The following CCDC50 variants were observed in gnomAD, a reference collection of about 807,000 sequenced individuals.
The protein encoded by CCDC50 is coiled-coil domain containing 50.
A neutral mutation model predicts 70.2 loss-of-function variants in CCDC50; 54 were observed. The ratio of observed to expected loss-of-function variants is 0.77; its 90% CI spans 0.62 to 0.96. The LOEUF is 0.96. CCDC50 is among the 50% of genes least tolerant of loss of function. The pLI, the probability that CCDC50 is intolerant of heterozygous loss-of-function variation, is 0.00. For synonymous variants in CCDC50, 216 were observed against 198.8 expected (o/e 1.09, Z -0.73); for missense variants, 558 against 578.7 (o/e 0.96, Z 0.37).
At position 191,396,628 on chromosome 3, in the gene CCDC50, A is replaced by G. The variant is rs754552421; in HGVS notation, c.*4868A>G. The G allele has an allele frequency of 5.9e-5, 9 of 152,242 alleles. No individual in the cohort carries two copies. Among genetic ancestry groups the G allele is most frequent in the African/African-American group, 2.2e-4 (9 of 41,468 alleles). 9.4% of individuals were successfully genotyped at this position (152,242 alleles called of 1,614,324 possible). A position where few individuals can be genotyped will look rare whatever the true frequency, so the allele number is the denominator to read the frequency against. On this transcript the variant is annotated 3_prime_UTR_variant, in exon 12 of 12. Transcript: ENST00000392455. ...AAGAATTTCACCAACACCCTTGTGT[A>G]TTGAAATGCTTAACCATTAACAGGG... is the stretch of plus-strand genomic sequence containing the variant.
rs1270291926 is a variant in CCDC50 at position 191,395,108 on chromosome 3, T to A, written c.*3348T>A. ...ATGGCAATGACCACTTGGATCTAGG[T>A]CAACATATTCCAAAATGTGTGACCT... On this transcript the variant is annotated 3_prime_UTR_variant, in exon 12 of 12. Coordinates refer to ENST00000392455, the MANE Select transcript of CCDC50 (RefSeq NM_178335.3). 6.6e-6 allele frequency: 1 copy of A among 151,672 alleles called. No individual in the cohort carries two copies. The highest frequency in any genetic ancestry group is 1.5e-5 in the Non-Finnish European group (1 of 67,920). 9.4% of individuals were successfully genotyped at this position (151,672 alleles called of 1,614,324 possible). A position where few individuals can be genotyped will look rare whatever the true frequency, so the allele number is the denominator to read the frequency against.
intron 4 of CCDC50, among the ~76,000 whole-genome samples, chr3:191,364,421 T>TC (rs1186119448): frequency 6.6e-6 from 1 of 151,060 alleles, no homozygotes; most frequent in Non-Finnish European, 1.5e-5. Flanking sequence ...CCCTGTAGAG[T>TC]CTACTTGGTT....
intron 6 of CCDC50, 54 bp downstream of exon 6, chr3:191,375,643 C>G: frequency 6.4e-7 from 1 of 1,570,222 alleles, no homozygotes; most frequent in East Asian, 2.3e-5. Flanking sequence ...TAACTACAAA[C>G]CAATGAATTT....
chr3:191,376,424 A>G (rs1159678347), intron 6 of CCDC50, among the ~76,000 whole-genome samples: 1 of 152,096 alleles, frequency 6.6e-6, no homozygotes, highest in African/African-American at 2.4e-5. Context: ...GAAGTCCATC[A>G]TTGACGCAGT....
intron 6 of CCDC50, among the ~76,000 whole-genome samples, chr3:191,379,519 C>T (rs901739478): frequency 4.6e-5 from 7 of 152,048 alleles, no homozygotes; most frequent in Admixed American, 2.0e-4. Context: ...GGTCATTGTG[C>T]TCTCAATATA....
chr3:191,386,062 T>A (rs983345418), intron 10 of CCDC50, among the ~76,000 whole-genome samples: 2 of 152,156 alleles, frequency 1.3e-5, no homozygotes, highest in Non-Finnish European at 2.9e-5. Context: ...ATGTCATGCC[T>A]CCCTTTGTTC....
At chr3:191,386,247 C>T (rs1470663801) in intron 10 of CCDC50, among the ~76,000 whole-genome samples, 3 of 105,856 alleles carry the variant, frequency 2.8e-5, no homozygotes, top group South Asian at 3.2e-4. Context: ...TTTTTTGAGA[C>T]GGAGTCTCAC....
Position 191,391,838 on chromosome 3 carries a change from C to CT in CCDC50, c.*85dup. 1.5e-6 allele frequency: 2 copies of CT among 1,307,692 alleles called. No individual in the cohort carries two copies. Among genetic ancestry groups the CT allele is most frequent in the African/African-American group, 1.5e-5 (1 of 68,218 alleles). The allele number at this position is 1,307,692 out of a possible 1,614,324, so 81.0% of individuals were successfully genotyped here. On this transcript the variant is annotated 3_prime_UTR_variant, in exon 12 of 12. Transcript: ENST00000392455. Reference sequence around the variant, plus strand: ...TGATACAGAATGAATTCTACACTTACTTTTTTTCTCCTGTGTTTGCATTCC... The same window carrying CT: ...TGATACAGAATGAATTCTACACTTACTTTTTTTTCTCCTGTGTTTGCATTCC...
chr3:191,359,180 GAA>G (rs1394854373), intron 3 of CCDC50, among the ~76,000 whole-genome samples: 1 of 152,158 alleles, frequency 6.6e-6, no homozygotes, highest in Non-Finnish European at 1.5e-5. Flanking sequence ...TATTTAGAGA[GAA>G]GAGACTGGGA....
At chr3:191,345,777 C>T (rs1426536207) in intron 1 of CCDC50, among the ~76,000 whole-genome samples, 9 of 151,968 alleles carry the variant, frequency 5.9e-5, no homozygotes, top group African/African-American at 1.9e-4. Context: ...TGATAAATTA[C>T]GTGAGAATGA....
chr3:191,369,890 G>A, intron 4 of CCDC50, 29 bp from the exon 5 acceptor site: 1 of 1,504,248 alleles, frequency 6.6e-7, no homozygotes. Context: ...TTGGTAATGT[G>A]TATTTCCATT....
intron 1 of CCDC50, among the ~76,000 whole-genome samples, chr3:191,329,955 G>T (rs75704230): frequency 5.3e-5 from 6 of 113,274 alleles, no homozygotes; most frequent in East Asian, 4.7e-4. Flanking sequence ...GGGGGGGGGG[G>T]GCTAGCAGCA....
rs556233077 is a variant in CCDC50 at position 191,378,361 on chromosome 3, C to A, written c.977-1798C>A. Among the ~76,000 whole-genome samples the A allele has an allele frequency of 9.2e-5, 14 of 152,140 alleles. No homozygotes were observed. In the South Asian group the frequency reaches 2.3e-3, roughly 25 times the overall value. ...TTAAAACAATGTGTCTTTAATAAAA[C>A]TGAAAGTGAAAAATCTTCTTGGCTA... On this transcript the variant is annotated intron_variant, in intron 6 of 11. Transcript: ENST00000392455.
At position 191,394,069 on chromosome 3, in the gene CCDC50, G is replaced by C. The variant is rs1713783187; in HGVS notation, c.*2309G>C. 6.6e-6 allele frequency: 1 copy of C among 151,968 alleles called. No individual in the cohort carries two copies. The highest frequency in any genetic ancestry group is 1.5e-5 in the Non-Finnish European group (1 of 67,962). 9.4% of individuals were successfully genotyped at this position (151,968 alleles called of 1,614,324 possible). ...CTGGAGATACTGCATTCAAAAAAAA[G>C]TCGGACCACTTAACACTTACCAGGA... On this transcript the variant is annotated 3_prime_UTR_variant, in exon 12 of 12. Transcript: ENST00000392455.
chr3:191,391,769 G>A lies in CCDC50; in HGVS notation c.*9G>A. On this transcript the variant is annotated 3_prime_UTR_variant, in exon 12 of 12. Coordinates refer to ENST00000392455, the MANE Select transcript of CCDC50 (RefSeq NM_178335.3). ...TTCATTACAAACATTAAAAACCTAGGAATCTGCCTTGAAAATGGACTCACT... is the reference window on the plus strand; with the variant it reads ...TTCATTACAAACATTAAAAACCTAGAAATCTGCCTTGAAAATGGACTCACT... 1 of 1,611,604 alleles carries A rather than the reference G, an allele frequency of 6.2e-7. No individual in the cohort carries two copies.
chr3:191,379,262 G>C (rs932555204), intron 6 of CCDC50, among the ~76,000 whole-genome samples: 2 of 152,004 alleles, frequency 1.3e-5, no homozygotes, highest in African/African-American at 4.8e-5. Flanking sequence ...TTTTATACGT[G>C]TTCAAAGCAC....
rs748309035 is a variant in CCDC50 at position 191,357,072 on chromosome 3, C to G, written c.50-16C>G. On this transcript the variant is annotated splice_polypyrimidine_tract_variant and intron_variant, in intron 1 of 11. Coordinates refer to ENST00000392455, the MANE Select transcript of CCDC50 (RefSeq NM_178335.3). ...CTAATGAGCCTTCCTGTCTGTTTTT[C>G]CTCCATCTACTCTAGTATGCCGAGA... 8 of 1,574,868 alleles carry G rather than the reference C, an allele frequency of 5.1e-6. No homozygotes were observed. In the South Asian group the frequency reaches 8.9e-5, roughly 17 times the overall value.
At chr3:191,337,079 C>T (rs534655009) in intron 1 of CCDC50, among the ~76,000 whole-genome samples, 4 of 151,978 alleles carry the variant, frequency 2.6e-5, no homozygotes, top group Non-Finnish European at 5.9e-5. Context: ...TCTTTGTCTG[C>T]TTACATACTG....
At chr3:191,373,270 A>C (rs1712976694) in intron 5 of CCDC50, among the ~76,000 whole-genome samples, 1 of 152,062 alleles carries the variant, frequency 6.6e-6, no homozygotes, top group African/African-American at 2.4e-5. Flanking sequence ...TTTCTTTCCA[A>C]GATTTAAAGC....
Sources: allele counts gnomAD v4.1 joint callset (sites outside exome capture counted in the v4.1 genomes callset), GRCh38; gene constraint gnomAD v4.1.1; transcripts MANE v1.5; gene names NCBI Gene and HGNC (gene_info 2026-07-23, HGNC 2026-07-21).